SPTBN1: variants seen among roughly 807,000 people sequenced by gnomAD.
SPTBN1 encodes spectrin beta chain, non-erythrocytic 1.
SPTBN1 carries 32 observed loss-of-function variants against 266.4 expected under a neutral mutation model. The observed-to-expected ratio is 0.12, with a 90% CI of 0.09 to 0.16. The LOEUF is 0.16. SPTBN1 is among the 10% of genes least tolerant of loss of function. The pLI is 1.00. For synonymous variants in SPTBN1, 1,336 were observed against 1,162.2 expected (o/e 1.15, Z -3.04); for missense variants, 2,296 against 3,067.1 (o/e 0.75, Z 5.94).
At chr2:54,493,302 G>A (rs1021669424) in intron 1 of SPTBN1, among the ~76,000 whole-genome samples, 4 of 151,894 alleles carry the variant, frequency 2.6e-5, no homozygotes, top group Admixed American at 1.3e-4. Context: ...CACCGCACCC[G>A]GCCTAAGGAG....
intron 1 of SPTBN1, among the ~76,000 whole-genome samples, chr2:54,457,006 C>T (rs1693073648): frequency 6.6e-6 from 1 of 151,760 alleles, no homozygotes; most frequent in South Asian, 2.1e-4. Context: ...GCGGGGGCGG[C>T]GGTGACAGGG....
At chr2:54,613,501 C>T (rs1249115570) in intron 4 of SPTBN1, among the ~76,000 whole-genome samples, 1 of 152,158 alleles carries the variant, frequency 6.6e-6, no homozygotes, top group East Asian at 1.9e-4. Flanking sequence ...GGGTAGGGGA[C>T]TAGAATGAGT....
chr2:54,526,626 A>T, intron 2 of SPTBN1, 60 bp downstream of exon 2: 1 of 1,565,288 alleles, frequency 6.4e-7, no homozygotes, highest in African/African-American at 1.4e-5. Context: ...TGCCCCTTAA[A>T]ATCATCCACC....
intron 1 of SPTBN1, among the ~76,000 whole-genome samples, chr2:54,492,772 G>A (rs1480589365): frequency 6.6e-6 from 1 of 152,050 alleles, no homozygotes; most frequent in African/African-American, 2.4e-5. Context: ...CCTTTCATGT[G>A]GAATAGAATG....
chr2:54,627,400 C>T (rs1282550254), intron 12 of SPTBN1, among the ~76,000 whole-genome samples: 1 of 152,150 alleles, frequency 6.6e-6, no homozygotes, highest in Non-Finnish European at 1.5e-5. Flanking sequence ...CCAAATTTCG[C>T]TGGTTGATGG....
At chr2:54,625,151 A>C (rs968916608) in intron 11 of SPTBN1, among the ~76,000 whole-genome samples, 189 bp downstream of exon 11, 2 of 152,140 alleles carry the variant, frequency 1.3e-5, no homozygotes, top group South Asian at 2.1e-4. Flanking sequence ...CTATTTATCT[A>C]ACTTTTCATA....
At chr2:54,608,496 C>G (rs72920550) in intron 3 of SPTBN1, among the ~76,000 whole-genome samples, 6,519 of 152,012 alleles carry the variant, frequency 0.043, 457 homozygotes, top group African/African-American at 0.15. Context: ...AGGCTGAGTG[C>G]GTTCTTCTAC....
intron 18 of SPTBN1, 24 bp downstream of exon 18, chr2:54,637,827 A>C (rs2271326): frequency 6.3e-7 from 1 of 1,584,800 alleles, no homozygotes; most frequent in South Asian, 1.1e-5. Context: ...TAATCCCTCT[A>C]TTCCTGTGTT....
In SPTBN1 at chr2:54,560,376, A is replaced by C. The variant is rs185883800; in HGVS notation, c.148+33810A>C. The stretch of plus-strand genomic sequence containing the variant: ...CAGCCTAGCCTGGAAGTCTCAGAAA[A>C]AAAGCAAAACTGGGAGAAAATAGAA... On this transcript the variant is annotated intron_variant, in intron 2 of 35. Coordinates refer to ENST00000356805, the MANE Select transcript of SPTBN1 (RefSeq NM_003128.3). 9.5e-4 allele frequency among the ~76,000 whole-genome samples: 145 copies of C among 152,154 alleles called. 1 individual carries two copies. Among genetic ancestry groups the C allele is most frequent in the African/African-American group, 2.5e-3 (105 of 41,486 alleles).
Position 54,558,653 on chromosome 2 carries a change from C to G in SPTBN1, c.148+32087C>G. 2 of 1,493,190 alleles carry G rather than the reference C, an allele frequency of 1.3e-6. No individual in the cohort carries two copies. The highest frequency in any genetic ancestry group is 1.8e-6 in the Non-Finnish European group (2 of 1,120,278). 92.5% of individuals were successfully genotyped at this position (1,493,190 alleles called of 1,614,324 possible). A position where few individuals can be genotyped will look rare whatever the true frequency, so the allele number is the denominator to read the frequency against. ...CCATCAGATCACCCTGCTGGACTTG[C>G]AGACCGGAATGGGGCTCGCCTAAGG... On this transcript the variant is annotated intron_variant, in intron 2 of 35. Transcript: ENST00000356805. This position sits in a 1 kb window ranked among gnomAD's most constrained non-coding sequence, Gnocchi z 4.6.
intron 2 of SPTBN1, among the ~76,000 whole-genome samples, chr2:54,589,682 G>A (rs1222891040): frequency 1.3e-5 from 2 of 152,180 alleles, no homozygotes; most frequent in African/African-American, 4.8e-5. Context: ...AGACTAGTCC[G>A]TCACAGGGAG....
At chr2:54,642,815 T>C (rs1249144735) in intron 18 of SPTBN1, among the ~76,000 whole-genome samples, 168 bp from the exon 19 acceptor site, 1 of 152,214 alleles carries the variant, frequency 6.6e-6, no homozygotes, top group East Asian at 1.9e-4. Context: ...CTCCATCTAA[T>C]GGACACCTGT....
At chr2:54,629,848 C>T in intron 14 of SPTBN1, 44 bp from the exon 15 acceptor site, 1 of 1,612,940 alleles carries the variant, frequency 6.2e-7, no homozygotes, top group South Asian at 1.1e-5. Context: ...CTTGTGACCA[C>T]CAGTGGCCCA....
intron 18 of SPTBN1, among the ~76,000 whole-genome samples, chr2:54,640,922 A>G (rs1244649550): frequency 6.6e-6 from 1 of 152,320 alleles, no homozygotes; most frequent in Admixed American, 6.5e-5. Context: ...TTTGTGTTGT[A>G]TGTCCTCACA....
At chr2:54,538,179 A>G (rs1008072535) in intron 2 of SPTBN1, among the ~76,000 whole-genome samples, 1 of 152,258 alleles carries the variant, frequency 6.6e-6, no homozygotes, top group Admixed American at 6.5e-5. Context: ...TTGAATAAAC[A>G]AAATTAACAA....
intron 29 of SPTBN1, among the ~76,000 whole-genome samples, chr2:54,657,500 G>A (rs560581855): frequency 2.6e-5 from 4 of 152,284 alleles, no homozygotes; most frequent in East Asian, 3.9e-4. Context: ...AATGTGTGCC[G>A]TAAAATGCAC....
chr2:54,496,279 A>T (rs985234430), intron 1 of SPTBN1, among the ~76,000 whole-genome samples: 3 of 152,056 alleles, frequency 2.0e-5, no homozygotes, highest in Non-Finnish European at 4.4e-5. Context: ...CTCTACTAAA[A>T]TACAAAAAAT....
chr2:54,643,189 CT>C, intron 19 of SPTBN1, 60 bp downstream of exon 19: 1 of 1,598,766 alleles, frequency 6.3e-7, no homozygotes, highest in Non-Finnish European at 8.5e-7. Context: ...TAATAAACTC[CT>C]TTTTATTTAG....
chr2:54,516,315 C>G (rs142304392), intron 1 of SPTBN1: 3 of 152,044 alleles, frequency 2.0e-5, no homozygotes, highest in Non-Finnish European at 2.9e-5. Flanking sequence ...AATGAGAAAG[C>G]AAATAAAGCA....
Sources: allele counts gnomAD v4.1 joint callset (sites outside exome capture counted in the v4.1 genomes callset), GRCh38; gene constraint gnomAD v4.1.1; non-coding constraint Gnocchi (gnomAD v3.1); transcripts MANE v1.5; gene names NCBI Gene and HGNC (gene_info 2026-07-23, HGNC 2026-07-21).